The following PRELID2 variants were observed in gnomAD, a reference collection of about 807,000 sequenced individuals.
The protein encoded by PRELID2 is PRELI domain containing 2, also known as PRELI domain-containing protein 2.
Under a neutral mutation model 28.4 loss-of-function variants are expected in PRELID2, and 25 were observed. The ratio of observed to expected loss-of-function variants is 0.88; its 90% CI spans 0.64 to 1.23. The LOEUF is 1.23. Ranked by LOEUF, PRELID2 falls within the 50% of genes most tolerant of loss-of-function variation. The pLI, the probability that PRELID2 is intolerant of heterozygous loss-of-function variation, is 0.00. For synonymous variants in PRELID2, 76 were observed against 71.6 expected (o/e 1.06, Z -0.31); for missense variants, 201 against 214.4 (o/e 0.94, Z 0.39).
chr5:145,410,956 C>G, the PRELID2 span, among the ~76,000 whole-genome samples: 3 of 151,956 alleles, frequency 2.0e-5, no homozygotes, highest in African/African-American at 7.3e-5. Context: ...TAGTTACATC[C>G]TAGATACAAT....
At chr5:145,474,819 A>C (rs3851494) in intron 1 of PRELID2, among the ~76,000 whole-genome samples, 32,103 of 152,090 alleles carry the variant, frequency 0.21, 3,964 homozygotes, top group South Asian at 0.35. Context: ...TATCTGTGGC[A>C]GGATCATTGA....
the PRELID2 span, among the ~76,000 whole-genome samples, chr5:145,241,147 C>T: frequency 6.6e-6 from 1 of 152,030 alleles, no homozygotes; most frequent in Non-Finnish European, 1.5e-5. Flanking sequence ...GCTACTTGTT[C>T]TCTTGTTTCT....
chr5:145,388,253 A>G, the PRELID2 span, among the ~76,000 whole-genome samples: 1 of 152,174 alleles, frequency 6.6e-6, no homozygotes, highest in Non-Finnish European at 1.5e-5. Flanking sequence ...ATAAAAGTCA[A>G]AATTAATTAG....
chr5:145,265,793 A>G, the PRELID2 span, among the ~76,000 whole-genome samples: 2 of 150,552 alleles, frequency 1.3e-5, no homozygotes, highest in Non-Finnish European at 3.0e-5. Context: ...CATCTCTCAC[A>G]TTATACAAAA....
chr5:145,742,538 A>G, intron 1 of PRELID2, among the ~76,000 whole-genome samples: 1 of 149,108 alleles, frequency 6.7e-6, no homozygotes, highest in East Asian at 2.0e-4. Flanking sequence ...TACCAAAAAA[A>G]AAAAAAAAGA....
chr5:145,555,952 C>A (rs1034082328), intron 1 of PRELID2, among the ~76,000 whole-genome samples: 1 of 151,952 alleles, frequency 6.6e-6, no homozygotes, highest in Admixed American at 6.6e-5. Flanking sequence ...CTTTGGGAAG[C>A]CGATTGCCTG....
intron 2 of PRELID2, among the ~76,000 whole-genome samples, 187 bp from the exon 3 acceptor site, chr5:145,820,205 G>A (rs933662207): frequency 1.3e-5 from 2 of 151,342 alleles, no homozygotes; most frequent in African/African-American, 4.9e-5. Flanking sequence ...GGGTTCAAGG[G>A]ATTCTCCTGC....
chr5:145,553,726 T>C (rs1165584664), intron 1 of PRELID2, among the ~76,000 whole-genome samples: 18 of 152,208 alleles, frequency 1.2e-4, no homozygotes, highest in Admixed American at 1.2e-3. Flanking sequence ...GATCAGATAA[T>C]GTATGCACCA....
chr5:145,356,692 G>A, the PRELID2 span, among the ~76,000 whole-genome samples: 3 of 152,184 alleles, frequency 2.0e-5, no homozygotes, highest in African/African-American at 7.2e-5. Context: ...GCTGTAGACA[G>A]CATACAGTTG....
chr5:145,571,861 G>A (rs1160709030), intron 1 of PRELID2, among the ~76,000 whole-genome samples: 1 of 151,878 alleles, frequency 6.6e-6, no homozygotes, highest in South Asian at 2.1e-4. Context: ...GATGTCTGTA[G>A]TCCCAGCTAC....
chr5:145,752,417 C>T (rs147704790), downstream of PRELID2, among the ~76,000 whole-genome samples: 5 of 152,222 alleles, frequency 3.3e-5, no homozygotes, highest in East Asian at 1.9e-4. Context: ...TCTAGTGCCA[C>T]CAATGCGACT....
chr5:145,423,131 G>A, the PRELID2 span, among the ~76,000 whole-genome samples: 1 of 151,952 alleles, frequency 6.6e-6, no homozygotes, highest in Non-Finnish European at 1.5e-5. Flanking sequence ...GCTTCCCTGT[G>A]AGGGTAACCC....
chr5:145,766,376 G>A (rs1277960528), intron 5 of PRELID2, among the ~76,000 whole-genome samples: 2 of 152,142 alleles, frequency 1.3e-5, no homozygotes, highest in East Asian at 3.8e-4. Context: ...GATTAGGCAG[G>A]GCTGTGAACA....
At chr5:145,341,061 G>A in the PRELID2 span, among the ~76,000 whole-genome samples, 1 of 151,390 alleles carries the variant, frequency 6.6e-6, no homozygotes, top group East Asian at 1.9e-4. Flanking sequence ...CAAAACCAAA[G>A]CACCCTACCT....
chr5:145,641,384 G>A (rs10078779), intron 1 of PRELID2, among the ~76,000 whole-genome samples: 10,901 of 151,970 alleles, frequency 0.072, 996 homozygotes, highest in African/African-American at 0.21. Flanking sequence ...ATAAAGAGAT[G>A]GTAAACTTTG....
At chr5:145,578,150 G>A (rs980615299) in intron 1 of PRELID2, among the ~76,000 whole-genome samples, 4 of 152,054 alleles carry the variant, frequency 2.6e-5, no homozygotes, top group African/African-American at 7.2e-5. Context: ...CTTCATCCAA[G>A]GAGAACAAAA....
the PRELID2 span, among the ~76,000 whole-genome samples, chr5:145,439,096 C>A: frequency 2.0e-5 from 3 of 152,164 alleles, no homozygotes; most frequent in South Asian, 6.2e-4. Flanking sequence ...TGTGTCCCCA[C>A]TTCTGCACTG....
chr5:145,473,413 C>T (rs1029292126), intron 1 of PRELID2: 1 of 152,112 alleles, frequency 6.6e-6, no homozygotes, highest in Non-Finnish European at 1.5e-5. Context: ...GATTCCAAAG[C>T]AGTAGTTATC....
At chr5:145,409,440 A>G in the PRELID2 span, among the ~76,000 whole-genome samples, 1 of 152,210 alleles carries the variant, frequency 6.6e-6, no homozygotes, top group South Asian at 2.1e-4. Flanking sequence ...AGAATGGATA[A>G]AACTCCACCA....
Sources: allele counts gnomAD v4.1 joint callset (sites outside exome capture counted in the v4.1 genomes callset), GRCh38; gene constraint gnomAD v4.1.1; transcripts MANE v1.5; gene names NCBI Gene and HGNC (gene_info 2026-07-23, HGNC 2026-07-21).